DOP1B: variants seen among roughly 807,000 people sequenced by gnomAD.
The protein encoded by DOP1B is DOP1 leucine zipper like protein B.
In DOP1B, 174 loss-of-function variants were observed where a neutral mutation model predicts 233.5. The observed-to-expected ratio is 0.75, with a 90% CI of 0.66 to 0.85. DOP1B has a LOEUF of 0.85. Among genes scored for constraint, DOP1B ranks in the 40% least tolerant of loss-of-function variants. The pLI, the probability that DOP1B is intolerant of heterozygous loss-of-function variation, is 0.00. For missense variants in DOP1B, 2,652 were observed against 2,846.6 expected (o/e 0.93, Z 1.56); for synonymous variants, 1,190 against 1,185.6 (o/e 1.00, Z -0.08).
intron 2 of DOP1B, among the ~76,000 whole-genome samples, chr21:36,183,409 C>T (rs1320456387): frequency 6.6e-6 from 1 of 152,204 alleles, no homozygotes. Flanking sequence ...ATGGTCTGTT[C>T]TTTACAGCCA....
chr21:36,220,654 C>G (rs1033740778), intron 10 of DOP1B, among the ~76,000 whole-genome samples: 3 of 147,170 alleles, frequency 2.0e-5, no homozygotes, highest in Non-Finnish European at 3.0e-5. Context: ...ACATGCACCA[C>G]CATGCCCAGC....
intron 15 of DOP1B, among the ~76,000 whole-genome samples, chr21:36,233,587 G>C (rs573499060): frequency 6.6e-6 from 1 of 152,350 alleles, no homozygotes; most frequent in Admixed American, 6.5e-5. Context: ...CATGGCTCAA[G>C]TGCCATGACT....
At position 36,293,344 on chromosome 21, in the gene DOP1B, A is replaced by G. The variant is rs753007073; in HGVS notation, c.6670A>G (p.Thr2224Ala). 6.2e-7 allele frequency: 1 copy of G among 1,614,184 alleles called. No homozygotes were observed. Among genetic ancestry groups the G allele is most frequent in the Non-Finnish European group, 8.5e-7 (1 of 1,180,044 alleles). Residue 2224 changes from threonine (T) to alanine (A), a missense_variant, in exon 37 of 37, where the codon ACC (threonine) becomes GCC (alanine). Thr to Ala is a moderately conservative substitution (Grantham distance 58). This residue lies in a region of DOP1B where 2,617 missense variants were observed against 2,794.3 expected (regional missense o/e 0.94). Coordinates refer to ENST00000691173, the MANE Select transcript of DOP1B (RefSeq NM_001320714.2). The part of the protein sequence containing the change: ...FGEISSSDEI[T>A]MKSEFPLLRQ... ...GGAAATCAGTAGCTCTGATGAGATC[A>G]CCATGAAGAGTGAATTCCCGCTTCT...
At chr21:36,242,277 A>G (rs182622468) in intron 18 of DOP1B, among the ~76,000 whole-genome samples, 2 of 151,738 alleles carry the variant, frequency 1.3e-5, no homozygotes, top group East Asian at 1.9e-4. Context: ...GGTTCAAGCA[A>G]TTCTCCTGCC....
At chr21:36,168,890 G>A (rs1425541176) in intron 2 of DOP1B, 3 of 454,530 alleles carry the variant, frequency 6.6e-6, no homozygotes, top group Non-Finnish European at 1.2e-5. Flanking sequence ...GTCTCTCCCT[G>A]TGGGTTTTTT....
Position 36,246,451 on chromosome 21 carries a change from C to T in DOP1B, c.4471C>T (p.His1491Tyr). 1 of 1,613,886 alleles carries T rather than the reference C, an allele frequency of 6.2e-7. No individual in the cohort carries two copies. Among genetic ancestry groups the T allele is most frequent in the Non-Finnish European group, 8.5e-7 (1 of 1,179,964 alleles). Reference sequence around the variant, plus strand: ...CAGCGCCCTGCAGTACGTGCAGCCCCACCCCCTCACCTCCCAGGGTCTTCT... The same window carrying T: ...CAGCGCCCTGCAGTACGTGCAGCCCTACCCCCTCACCTCCCAGGGTCTTCT... ...AISALQYVQP[H>Y]PLTSQGLLVS... The change falls in exon 19 of 37, where the codon CAC becomes TAC. Residue 1491 changes from histidine (H) to tyrosine (Y), a missense_variant. Transcript: ENST00000691173. The surrounding 1 kb of genome is among the most constrained non-coding windows in gnomAD (Gnocchi z 5.1).
At chr21:36,275,837 C>T (rs1297399603) in intron 27 of DOP1B, among the ~76,000 whole-genome samples, 2 of 152,046 alleles carry the variant, frequency 1.3e-5, no homozygotes, top group Non-Finnish European at 2.9e-5. Flanking sequence ...GTGAGTCCTT[C>T]CGAGGGAAAG....
chr21:36,275,120 C>T (rs945110710), intron 27 of DOP1B, among the ~76,000 whole-genome samples: 44 of 151,532 alleles, frequency 2.9e-4, no homozygotes, highest in Middle Eastern at 6.8e-3. Context: ...GCTGGGATTA[C>T]AGGCCTGAAC....
intron 10 of DOP1B, among the ~76,000 whole-genome samples, chr21:36,220,353 C>T (rs952163037): frequency 6.6e-5 from 10 of 152,162 alleles, no homozygotes; most frequent in Admixed American, 5.2e-4. Flanking sequence ...AGGTGTCACA[C>T]GTAATCCTAG....
intron 2 of DOP1B, among the ~76,000 whole-genome samples, chr21:36,194,032 A>C (rs181352602): frequency 6.6e-6 from 1 of 152,362 alleles, no homozygotes; most frequent in East Asian, 1.9e-4. Flanking sequence ...CAGCCCAGAA[A>C]GGTAATTTGC....
intron 10 of DOP1B, among the ~76,000 whole-genome samples, chr21:36,222,916 G>A (rs1255834048): frequency 6.6e-6 from 1 of 151,758 alleles, no homozygotes; most frequent in Non-Finnish European, 1.5e-5. Context: ...TTGTATTTTT[G>A]TAGAGACAGG....
intron 13 of DOP1B, 140 bp from the exon 14 acceptor site, chr21:36,230,310 A>T (rs2066745000): frequency 2.7e-6 from 3 of 1,108,694 alleles, no homozygotes; most frequent in African/African-American, 1.6e-5. Context: ...AAATTTCATT[A>T]TACACTTAAC....
At chr21:36,174,124 G>A (rs1017592100) in intron 2 of DOP1B, among the ~76,000 whole-genome samples, 1 of 152,172 alleles carries the variant, frequency 6.6e-6, no homozygotes, top group African/African-American at 2.4e-5. Context: ...AAGAACACGG[G>A]TTGGAGCTTG....
At chr21:36,279,141 G>T (rs2067387032) in intron 30 of DOP1B, among the ~76,000 whole-genome samples, 1 of 151,722 alleles carries the variant, frequency 6.6e-6, no homozygotes, top group Non-Finnish European at 1.5e-5. Context: ...GCTGGTCATG[G>T]TGGCTCACAC....
At chr21:36,174,522 C>G (rs945800599) in intron 2 of DOP1B, among the ~76,000 whole-genome samples, 2 of 152,090 alleles carry the variant, frequency 1.3e-5, no homozygotes, top group African/African-American at 4.8e-5. Context: ...TTGGGTGAGT[C>G]CAACAGAATC....
chr21:36,260,706 G>A lies in DOP1B; in HGVS notation c.5289G>A (p.Leu1763=). 6.2e-7 allele frequency: 1 copy of A among 1,613,944 alleles called. No homozygotes were observed. The highest frequency in any genetic ancestry group is 8.5e-7 in the Non-Finnish European group (1 of 1,179,984). Residue 1763 remains leucine, a synonymous_variant, in exon 24 of 37, where the codon TTG becomes TTA. Coordinates refer to ENST00000691173, the MANE Select transcript of DOP1B (RefSeq NM_001320714.2). ...EKSPLVDIPV[L]QFCYAFLQRL... is the part of the protein sequence containing the mutation. ...CGCCCCTAGTGGACATTCCTGTGTTGCAGTTTTGCTATGCTTTTCTCCAAA... is the reference window on the plus strand; with the variant it reads ...CGCCCCTAGTGGACATTCCTGTGTTACAGTTTTGCTATGCTTTTCTCCAAA...
chr21:36,170,039 C>A, intron 2 of DOP1B: 1 of 729,108 alleles, frequency 1.4e-6, no homozygotes, highest in Non-Finnish European at 2.6e-6. Flanking sequence ...GCCTTGTATC[C>A]CAGGAAGGCT....
intron 2 of DOP1B, among the ~76,000 whole-genome samples, chr21:36,186,259 A>C (rs2066164722): frequency 6.6e-6 from 1 of 152,004 alleles, no homozygotes; most frequent in African/African-American, 2.4e-5. Context: ...GAGTCATCTT[A>C]ACTAAGAGAT....
chr21:36,226,827 C>T (rs887919733), intron 12 of DOP1B, among the ~76,000 whole-genome samples: 1 of 152,114 alleles, frequency 6.6e-6, no homozygotes, highest in South Asian at 2.1e-4. Context: ...CTCCTGAGCT[C>T]AAGCAATCTC....
Sources: gnomAD v4.1 joint callset for allele counts (sites outside exome capture counted in the v4.1 genomes callset) on GRCh38, gnomAD v4.1.1 for gene constraint, gnomAD v4.1.1 regional missense constraint, Gnocchi (gnomAD v3.1) non-coding constraint, MANE v1.5 for transcripts, NCBI Gene and HGNC (gene_info 2026-07-23, HGNC 2026-07-21) for gene names.